PCYT1B: variants seen among roughly 807,000 people sequenced by gnomAD.
The protein encoded by PCYT1B is choline-phosphate cytidylyltransferase B.
In PCYT1B, 10 loss-of-function variants were observed where a neutral mutation model predicts 26.4. The observed-to-expected ratio is 0.38, with a 90% CI of 0.23 to 0.64. The LOEUF (loss-of-function observed/expected upper bound fraction) is 0.64, where lower values mean the gene tolerates loss of function less well. Among genes scored for constraint, PCYT1B ranks in the 30% least tolerant of loss-of-function variants. The probability of loss-of-function intolerance (pLI) is 0.56; values close to 1 mark genes in which losing one functional copy is unlikely to be tolerated. For missense variants in PCYT1B, 161 were observed against 292.7 expected, an observed-to-expected ratio of 0.55 and a Z score of 3.28; for synonymous variants, 131 against 108.4, an observed-to-expected ratio of 1.21 and a Z score of -1.29.
intron 7 of PCYT1B, among the ~76,000 whole-genome samples, chrX:24,572,046 C>T (rs889534923): frequency 2.7e-5 from 3 of 111,143 alleles, no homozygotes; most frequent in South Asian, 3.8e-4. Flanking sequence ...AAAGGAGCAG[C>T]GGAGCAAGGT....
At chrX:24,607,694 A>G in intron 3 of PCYT1B, 51 bp downstream of exon 3, 1 of 652,460 alleles carries the variant, frequency 1.5e-6, no homozygotes, top group Non-Finnish European at 2.4e-6. Context: ...CTCTTTTCAG[A>G]AAGCATACAA....
chrX:24,600,817 C>T (rs1345919441), intron 3 of PCYT1B, among the ~76,000 whole-genome samples: 2 of 109,459 alleles, frequency 1.8e-5, no homozygotes, highest in Non-Finnish European at 3.8e-5. Context: ...ATGGAACAGA[C>T]AGAAAGCCCA....
chrX:24,635,212 A>C (rs1298516930), intron 1 of PCYT1B, among the ~76,000 whole-genome samples: 1 of 112,275 alleles, frequency 8.9e-6, no homozygotes. Context: ...TCCATAACTC[A>C]ATAGAGAAAA....
intron 2 of PCYT1B, among the ~76,000 whole-genome samples, chrX:24,613,950 C>CAA (rs200062439): frequency 9.5e-4 from 73 of 77,168 alleles, no homozygotes; most frequent in African/African-American, 1.8e-3. Context: ...AACAACCTGT[C>CAA]AAAAAAAAAA....
chrX:24,593,449 TC>T (rs1450212227), intron 3 of PCYT1B, among the ~76,000 whole-genome samples: 1 of 8,824 alleles, frequency 1.1e-4, no homozygotes, highest in African/African-American at 9.4e-4. Flanking sequence ...TTCTTTCTTT[TC>T]TTTTCTTTTC....
chrX:24,581,692 C>A (rs1924211786), intron 5 of PCYT1B, among the ~76,000 whole-genome samples: 1 of 112,313 alleles, frequency 8.9e-6, no homozygotes. Context: ...CCTTTCTCGT[C>A]CTCTTCTACA....
At chrX:24,671,392 A>G (rs1927253124) in intron 1 of PCYT1B, among the ~76,000 whole-genome samples, 1 of 111,220 alleles carries the variant, frequency 9.0e-6, no homozygotes, top group African/African-American at 3.3e-5. Context: ...TTAACTCAAT[A>G]CAATTGGCTA....
intron 1 of PCYT1B, among the ~76,000 whole-genome samples, chrX:24,643,289 C>A (rs946822246): frequency 1.4e-4 from 10 of 72,340 alleles, no homozygotes; most frequent in Non-Finnish European, 2.8e-4. Context: ...GTTAGATTTC[C>A]AAGAAGGGCT....
intron 1 of PCYT1B, among the ~76,000 whole-genome samples, chrX:24,621,006 C>T (rs1925685165): frequency 8.9e-6 from 1 of 112,261 alleles, no homozygotes; most frequent in African/African-American, 3.2e-5. Flanking sequence ...CCTTTCAGCC[C>T]TAGACTCCTA....
intron 3 of PCYT1B, among the ~76,000 whole-genome samples, chrX:24,601,744 A>G (rs1924973871): frequency 9.0e-6 from 1 of 111,711 alleles, no homozygotes; most frequent in African/African-American, 3.3e-5. Context: ...AAAACAACCT[A>G]CTATACACCT....
chrX:24,604,879 C>T (rs1248595158), intron 3 of PCYT1B, among the ~76,000 whole-genome samples: 2 of 112,006 alleles, frequency 1.8e-5, no homozygotes, highest in Non-Finnish European at 3.8e-5. Flanking sequence ...CCTTGACTTC[C>T]ACAACCCATG....
rs1179469896 is a variant in PCYT1B, at chrX:24,656,551, CTTTTTTTTTTT to C, written c.63+16008_63+16018del. Among the ~76,000 whole-genome samples the C allele has an allele frequency of 4.9e-3, 280 of 56,641 alleles. 1 individual carries two copies. The highest frequency in any genetic ancestry group is 0.019 in the African/African-American group (257 of 13,449). The allele number at this position is 56,641 out of a possible 115,157, so 49.2% of individuals were successfully genotyped here. A position where few individuals can be genotyped will look rare whatever the true frequency, so the allele number is the denominator to read the frequency against. On this transcript the variant is annotated intron_variant, in intron 1 of 7. Coordinates refer to the PCYT1B transcript ENST00000379145. The stretch of plus-strand genomic sequence containing the variant: ...CAATATTCTTTTTTTTCTTTTTTTC[CTTTTTTTTTTT>C]TTTTTTTTTTTTGAGACAGAGTCTT...
At chrX:24,639,793 G>A (rs780124122) in intron 1 of PCYT1B, among the ~76,000 whole-genome samples, 1 of 111,221 alleles carries the variant, frequency 9.0e-6, no homozygotes, top group African/African-American at 3.3e-5. Context: ...TACAGTGGGA[G>A]AGGTGTCTTT....
intron 7 of PCYT1B, among the ~76,000 whole-genome samples, chrX:24,563,547 C>A (rs60196042): frequency 9.0e-6 from 1 of 111,611 alleles, no homozygotes; most frequent in African/African-American, 3.3e-5. Context: ...GCACAGAGGG[C>A]TGTGCCATGG....
At chrX:24,607,502 C>T (rs1378779996) in intron 3 of PCYT1B, among the ~76,000 whole-genome samples, 2 of 112,173 alleles carry the variant, frequency 1.8e-5, no homozygotes, top group South Asian at 3.7e-4. Flanking sequence ...AGCATTTACC[C>T]TTGGTGGTAC....
At chrX:24,565,770 A>G (rs1923606360) in intron 7 of PCYT1B, among the ~76,000 whole-genome samples, 1 of 107,162 alleles carries the variant, frequency 9.3e-6, no homozygotes, top group African/African-American at 3.5e-5. Context: ...CAAAATTTTA[A>G]AACTTCTGTA....
At chrX:24,623,248 G>A (rs1316243258) in intron 1 of PCYT1B, among the ~76,000 whole-genome samples, 1 of 109,216 alleles carries the variant, frequency 9.2e-6, no homozygotes, top group African/African-American at 3.3e-5. Flanking sequence ...CTACTCTTTT[G>A]AGCATGAAAA....
chrX:24,672,646 C>T, exon 1 of PCYT1B: 1 of 1,177,642 alleles, frequency 8.5e-7, no homozygotes. Flanking sequence ...TGCTCCTGAT[C>T]TTTTTATCTT....
intron 3 of PCYT1B, among the ~76,000 whole-genome samples, chrX:24,598,169 C>T (rs1477813710): frequency 1.8e-5 from 2 of 111,845 alleles, no homozygotes; most frequent in African/African-American, 6.5e-5. Context: ...TAATTTTTTA[C>T]AGGCTTCATA....
Sources: gnomAD v4.1 joint callset for allele counts (sites outside exome capture counted in the v4.1 genomes callset) on GRCh38, gnomAD v4.1.1 for gene constraint, MANE v1.5 for transcripts, NCBI Gene and HGNC (gene_info 2026-07-23, HGNC 2026-07-21) for gene names.